CTNNA3: variants seen among roughly 807,000 people sequenced by gnomAD.
CTNNA3 encodes the protein catenin alpha-3.
In CTNNA3, 76 loss-of-function variants were observed where a neutral mutation model predicts 95.7. The ratio of observed to expected loss-of-function variants is 0.79; its 90% CI spans 0.66 to 0.96. The LOEUF is 0.96. CTNNA3 is among the 40% of genes least tolerant of loss of function. The pLI is 0.00. For missense variants in CTNNA3, 1,191 were observed against 1,089.8 expected (o/e 1.09, Z -1.31); for synonymous variants, 431 against 374.4 (o/e 1.15, Z -1.74).
intron 7 of CTNNA3, among the ~76,000 whole-genome samples, chr10:66,985,256 T>C (rs570027874): frequency 8.3e-4 from 127 of 152,346 alleles, no homozygotes; most frequent in Non-Finnish European, 1.5e-3. Context: ...ATAGTGATTA[T>C]TTATTGTTAT....
intron 5 of CTNNA3, among the ~76,000 whole-genome samples, chr10:67,370,250 T>TA (rs1248482465): frequency 6.6e-6 from 1 of 152,168 alleles, no homozygotes; most frequent in Non-Finnish European, 1.5e-5. Flanking sequence ...GATTTTTTTT[T>TA]ATTCAGGTTT....
In CTNNA3 at chr10:65,946,756, C is replaced by G. The variant is rs533314038; in HGVS notation, c.2400+19856G>C. Among the ~76,000 whole-genome samples, 8 of 152,166 alleles carry G rather than the reference C, an allele frequency of 5.3e-5. No individual in the cohort carries two copies. In the East Asian group the frequency reaches 9.7e-4, roughly 18 times the overall value. On this transcript the variant is annotated intron_variant, in intron 17 of 17. Transcript: ENST00000433211. ...AAACATTTATTAATTCTGTACTGCTCCTAAACATTTCTGTAAATATAATGG... is the reference window on the plus strand; with the variant it reads ...AAACATTTATTAATTCTGTACTGCTGCTAAACATTTCTGTAAATATAATGG...
intron 9 of CTNNA3, among the ~76,000 whole-genome samples, chr10:66,720,435 T>A (rs1304009699): frequency 2.0e-5 from 3 of 152,202 alleles, no homozygotes; most frequent in Non-Finnish European, 4.4e-5. Context: ...GCCGTGCAGG[T>A]TTGGCTGGTC....
intron 10 of CTNNA3, among the ~76,000 whole-genome samples, chr10:66,606,994 G>A: frequency 6.6e-6 from 1 of 151,898 alleles, no homozygotes; most frequent in East Asian, 1.9e-4. Flanking sequence ...TCCAGGAGTT[G>A]GTTTTTTGAA....
chr10:65,952,373 A>G lies in CTNNA3; in HGVS notation c.2400+14239T>C, dbSNP rs552434183. ...TAAAAGAAACAAAAAGCAACACTCA[A>G]TAGGGTTGAATTTACTGAAGCATCT... On this transcript the variant is annotated intron_variant, in intron 17 of 17. Coordinates refer to ENST00000433211, the MANE Select transcript of CTNNA3 (RefSeq NM_013266.4). 6.6e-5 allele frequency among the ~76,000 whole-genome samples: 10 copies of G among 152,202 alleles called. No individual in the cohort carries two copies. In the South Asian group the frequency reaches 1.9e-3, roughly 28 times the overall value.
intron 13 of CTNNA3, among the ~76,000 whole-genome samples, chr10:66,238,066 T>C (rs1276711173): frequency 6.6e-6 from 1 of 152,092 alleles, no homozygotes; most frequent in Non-Finnish European, 1.5e-5. Context: ...CAAGTCCATA[T>C]TTAAAAGATA....
intron 5 of CTNNA3, among the ~76,000 whole-genome samples, chr10:67,271,207 G>A (rs538072496): frequency 8.5e-5 from 13 of 152,208 alleles, no homozygotes; most frequent in East Asian, 3.9e-4. Flanking sequence ...TAGGCTTTGC[G>A]TTCCCACCCA....
In CTNNA3 at chr10:67,168,412, G is replaced by A. The variant is rs1200987020; in HGVS notation, c.1047+11905C>T. Among the ~76,000 whole-genome samples the A allele has an allele frequency of 7.2e-5, 11 of 152,212 alleles. No individual in the cohort carries two copies. The South Asian group carries it at 2.3e-3, about 32-fold the overall frequency. On this transcript the variant is annotated intron_variant, in intron 7 of 17. Transcript: ENST00000433211. ...AAATACTGGCAAACCGAATCCAGCA[G>A]CACATCAAAAAGATAATCCACCATG... is the stretch of plus-strand genomic sequence containing the variant.
rs139346719 is a variant in CTNNA3 at position 67,256,354 on chromosome 10, T to C, written c.580-36484A>G. The stretch of plus-strand genomic sequence containing the variant: ...TTATGCTTCAGTCTGAATTGTTTAC[T>C]TAATAATTTCACTGCCTTACCGAAT... On this transcript the variant is annotated intron_variant, in intron 5 of 17. Transcript: ENST00000433211. 3.3e-3 allele frequency among the ~76,000 whole-genome samples: 509 copies of C among 152,326 alleles called. 5 individuals carry two copies. The highest frequency in any genetic ancestry group is 0.012 in the African/African-American group (482 of 41,598).
chr10:67,157,786 G>A (rs1222836896), intron 7 of CTNNA3, among the ~76,000 whole-genome samples: 1 of 152,110 alleles, frequency 6.6e-6, no homozygotes, highest in East Asian at 1.9e-4. Flanking sequence ...TACAGAGCCA[G>A]TTCCTGATGA....
intron 10 of CTNNA3, among the ~76,000 whole-genome samples, chr10:66,612,346 G>A: frequency 6.6e-6 from 1 of 152,124 alleles, no homozygotes; most frequent in East Asian, 1.9e-4. Context: ...AAGCACAGCT[G>A]TGATGATGTC....
At chr10:66,878,744 C>T (rs1844727150) in intron 7 of CTNNA3, among the ~76,000 whole-genome samples, 2 of 152,046 alleles carry the variant, frequency 1.3e-5, no homozygotes, top group African/African-American at 2.4e-5. Flanking sequence ...CCTACTGGAC[C>T]AGTAGAGGTG....
intron 1 of CTNNA3, among the ~76,000 whole-genome samples, chr10:67,668,591 G>A (rs1458818285): frequency 6.6e-6 from 1 of 152,116 alleles, no homozygotes; most frequent in African/African-American, 2.4e-5. Flanking sequence ...TGGCCTCTAG[G>A]AGTGACTAAT....
At chr10:65,949,991 C>T (rs1185359709) in intron 17 of CTNNA3, among the ~76,000 whole-genome samples, 2 of 151,962 alleles carry the variant, frequency 1.3e-5, no homozygotes, top group Non-Finnish European at 2.9e-5. Flanking sequence ...AATTATCCAG[C>T]CCCCAAAGTC....
intron 1 of CTNNA3, among the ~76,000 whole-genome samples, chr10:67,762,101 T>C (rs1215388077): frequency 1.3e-5 from 2 of 151,620 alleles, no homozygotes; most frequent in African/African-American, 4.8e-5. Flanking sequence ...AAGAACTCAT[T>C]TGGATTTGGA....
chr10:67,412,358 G>C (rs566694935), intron 5 of CTNNA3, among the ~76,000 whole-genome samples: 7 of 151,940 alleles, frequency 4.6e-5, no homozygotes, highest in Non-Finnish European at 8.8e-5. Context: ...AGAAATATGG[G>C]ATTATGACCA....
At chr10:67,079,926 C>T (rs1252080359) in intron 7 of CTNNA3, among the ~76,000 whole-genome samples, 1 of 151,252 alleles carries the variant, frequency 6.6e-6, no homozygotes, top group Non-Finnish European at 1.5e-5. Context: ...GTCACTAACA[C>T]ACAGCAGCAT....
intron 1 of CTNNA3, among the ~76,000 whole-genome samples, chr10:67,736,745 C>T (rs954113914): frequency 3.3e-5 from 5 of 151,910 alleles, no homozygotes; most frequent in African/African-American, 9.7e-5. Context: ...CCACCACACC[C>T]GGCCCACATT....
intron 5 of CTNNA3, among the ~76,000 whole-genome samples, chr10:67,348,739 C>T (rs1842528913): frequency 2.0e-5 from 3 of 152,114 alleles, no homozygotes; most frequent in African/African-American, 4.8e-5. Flanking sequence ...CCAAACACCT[C>T]CCATTAGGCT....
Sources: allele counts gnomAD v4.1 joint callset (sites outside exome capture counted in the v4.1 genomes callset), GRCh38; gene constraint gnomAD v4.1.1; transcripts MANE v1.5; gene names NCBI Gene and HGNC (gene_info 2026-07-23, HGNC 2026-07-21).